PUS10: variants seen among roughly 807,000 people sequenced by gnomAD.
PUS10 encodes the protein pseudouridine synthase 10, also known as tRNA pseudouridine synthase Pus10.
In PUS10, 59 loss-of-function variants were observed where a neutral mutation model predicts 75.0. The ratio of observed to expected loss-of-function variants is 0.79; its 90% CI spans 0.64 to 0.98. The LOEUF is 0.98. Ranked by LOEUF, PUS10 falls within the 50% of genes least tolerant of loss-of-function variation. The probability of loss-of-function intolerance (pLI) is 0.00; values close to 1 mark genes in which losing one functional copy is unlikely to be tolerated. For missense variants in PUS10, 650 were observed against 614.4 expected, an observed-to-expected ratio of 1.06 and a Z score of -0.61; for synonymous variants, 219 against 211.6, an observed-to-expected ratio of 1.03 and a Z score of -0.30.
chr2:61,011,632 T>A (rs2104736201), intron 2 of PUS10, 133 bp downstream of exon 2: 1 of 608,982 alleles, frequency 1.6e-6, no homozygotes, highest in South Asian at 3.0e-5. Context: ...TGAATATCAC[T>A]CATTTTATTA....
chr2:60,993,891 G>A (rs772924540), intron 4 of PUS10, among the ~76,000 whole-genome samples: 6 of 152,076 alleles, frequency 3.9e-5, no homozygotes, highest in East Asian at 1.9e-4. Context: ...CCATGTTCAC[G>A]CCATTCTCCT....
intron 3 of PUS10, among the ~76,000 whole-genome samples, chr2:61,008,312 T>C (rs1040324294): frequency 6.6e-6 from 1 of 151,988 alleles, no homozygotes; most frequent in African/African-American, 2.4e-5. Flanking sequence ...TCATCTGAGA[T>C]CGGGAGTTCG....
chr2:60,959,454 G>A (rs1235695016), intron 11 of PUS10, among the ~76,000 whole-genome samples: 2 of 152,142 alleles, frequency 1.3e-5, no homozygotes, highest in African/African-American at 2.4e-5. Context: ...GCAGTAGTGC[G>A]AGCTCAGCAC....
At chr2:61,011,412 A>G (rs1462017509) in intron 2 of PUS10, among the ~76,000 whole-genome samples, 1 of 152,240 alleles carries the variant, frequency 6.6e-6, no homozygotes, top group African/African-American at 2.4e-5. Flanking sequence ...CAATGCTTCC[A>G]CATAGTAGGA....
At chr2:61,015,355 C>T (rs1040362423) in intron 1 of PUS10, among the ~76,000 whole-genome samples, 1 of 151,998 alleles carries the variant, frequency 6.6e-6, no homozygotes, top group African/African-American at 2.4e-5. Flanking sequence ...CAAAAATTAG[C>T]CACGTGTGGA....
At chr2:60,976,384 C>T (rs1432741162) in intron 4 of PUS10, among the ~76,000 whole-genome samples, 1 of 152,206 alleles carries the variant, frequency 6.6e-6, no homozygotes, top group Non-Finnish European at 1.5e-5. Context: ...AGCTATCTGT[C>T]TCTTCTTTAA....
intron 4 of PUS10, among the ~76,000 whole-genome samples, chr2:60,975,210 G>C (rs1158588471): frequency 6.6e-6 from 1 of 152,124 alleles, no homozygotes; most frequent in East Asian, 1.9e-4. Flanking sequence ...GCTATGGCGT[G>C]ATCTCGGGTC....
intron 4 of PUS10, among the ~76,000 whole-genome samples, chr2:60,994,487 T>C (rs1425929831): frequency 6.6e-6 from 1 of 152,146 alleles, no homozygotes; most frequent in African/African-American, 2.4e-5. Context: ...CAAAACATCT[T>C]TGCACCTATT....
At chr2:60,944,244 C>T in intron 17 of PUS10, 1 of 984,358 alleles carries the variant, frequency 1.0e-6, no homozygotes, top group African/African-American at 1.7e-5. Context: ...ACTGGCTGTA[C>T]TGCAGGAGCT....
intron 3 of PUS10, 101 bp downstream of exon 3, chr2:61,008,660 G>A: frequency 9.9e-7 from 1 of 1,011,024 alleles, no homozygotes; most frequent in Non-Finnish European, 1.4e-6. Context: ...ACCCAAAAAA[G>A]AATTGTCTTG....
chr2:60,958,199 C>T (rs1573402815), intron 11 of PUS10, among the ~76,000 whole-genome samples: 1 of 152,264 alleles, frequency 6.6e-6, no homozygotes, highest in African/African-American at 2.4e-5. Flanking sequence ...CCAAATGAAA[C>T]TTTTTGTGCT....
chr2:60,976,600 C>CT (rs1677046589), intron 4 of PUS10, among the ~76,000 whole-genome samples: 1 of 152,228 alleles, frequency 6.6e-6, no homozygotes, highest in African/African-American at 2.4e-5. Context: ...AATCAAATGT[C>CT]TTTAGTATCT....
chr2:60,954,387 A>C (rs1157660129), intron 12 of PUS10, among the ~76,000 whole-genome samples: 1 of 152,336 alleles, frequency 6.6e-6, no homozygotes, highest in East Asian at 1.9e-4. Flanking sequence ...CTGCTTCCCC[A>C]AAGGCCCATG....
At chr2:60,981,854 G>A (rs1229031981) in intron 4 of PUS10, among the ~76,000 whole-genome samples, 2 of 152,016 alleles carry the variant, frequency 1.3e-5, no homozygotes, top group Non-Finnish European at 2.9e-5. Context: ...AGTGAAAAAA[G>A]CAAATTATTA....
Position 61,007,629 on chromosome 2 carries a change from C to T in PUS10, c.382-986G>A, listed in dbSNP as rs191271490. 1.3e-3 allele frequency among the ~76,000 whole-genome samples: 201 copies of T among 150,422 alleles called. 1 individual carries two copies. Among genetic ancestry groups the T allele is most frequent in the African/African-American group, 4.6e-3 (189 of 40,870 alleles). On this transcript the variant is annotated intron_variant, in intron 3 of 17. Coordinates refer to ENST00000316752, the MANE Select transcript of PUS10 (RefSeq NM_144709.4). ...ACTAAAAATACAAAAATCAGCTGGGCGTGGTGGCACGTGCCTGTAATCCCA... is the reference window on the plus strand; with the variant it reads ...ACTAAAAATACAAAAATCAGCTGGGTGTGGTGGCACGTGCCTGTAATCCCA...
chr2:60,962,337 C>T (rs1377918182), intron 9 of PUS10, among the ~76,000 whole-genome samples: 2 of 152,100 alleles, frequency 1.3e-5, no homozygotes, highest in African/African-American at 2.4e-5. Flanking sequence ...TTTGGGAGGC[C>T]GAGGCGGGTG....
At chr2:61,004,514 T>C (rs920893471) in intron 4 of PUS10, among the ~76,000 whole-genome samples, 2 of 151,354 alleles carry the variant, frequency 1.3e-5, no homozygotes, top group Admixed American at 6.6e-5. Flanking sequence ...CTGTAGTCCC[T>C]GCTACTTGAA....
chr2:60,967,723 C>G (rs749759388), intron 5 of PUS10, 110 bp from the exon 6 acceptor site: 12 of 691,276 alleles, frequency 1.7e-5, no homozygotes, highest in African/African-American at 5.5e-5. Flanking sequence ...CTAGTATGTA[C>G]CAGGCACTAT....
chr2:60,976,941 A>C (rs1677069831), intron 4 of PUS10, among the ~76,000 whole-genome samples: 1 of 152,228 alleles, frequency 6.6e-6, no homozygotes, highest in South Asian at 2.1e-4. Flanking sequence ...TAAAGTTATC[A>C]GGTTTAATCA....
Sources: allele counts gnomAD v4.1 joint callset (sites outside exome capture counted in the v4.1 genomes callset), GRCh38; gene constraint gnomAD v4.1.1; transcripts MANE v1.5; gene names NCBI Gene and HGNC (gene_info 2026-07-23, HGNC 2026-07-21).